PPP6R3: variants seen among roughly 807,000 people sequenced by gnomAD.
PPP6R3 encodes protein phosphatase 6 regulatory subunit 3, also known as serine/threonine-protein phosphatase 6 regulatory subunit 3.
A neutral mutation model predicts 110.7 loss-of-function variants in PPP6R3; 38 were observed. That is an observed-to-expected ratio of 0.34 (90% CI 0.26 to 0.45). PPP6R3 has a LOEUF of 0.45. Ranked by LOEUF, PPP6R3 falls within the 20% of genes least tolerant of loss-of-function variation. PPP6R3 has a pLI of 1.00. For missense variants in PPP6R3, 870 were observed against 1,062.4 expected, an observed-to-expected ratio of 0.82 and a Z score of 2.52; for synonymous variants, 369 against 373.5, an observed-to-expected ratio of 0.99 and a Z score of 0.14.
intron 18 of PPP6R3, among the ~76,000 whole-genome samples, chr11:68,594,266 GA>G (rs1368442078): frequency 2.6e-4 from 7 of 26,514 alleles, no homozygotes; most frequent in Admixed American, 9.1e-4. Context: ...AAAAAAGGGG[GA>G]GAGAGAGAGA....
rs757110315 is a variant in PPP6R3, at chr11:68,569,933, T to C, written c.1278+36T>C. 4 of 1,571,488 alleles carry C rather than the reference T, an allele frequency of 2.5e-6. No individual in the cohort carries two copies. In the African/African-American group the frequency reaches 5.4e-5, roughly 21 times the overall value. ...TTGGTCTCGTTTTTCTCCCACTCTC[T>C]CCTGGTTATAGCAGTTTTCCACTTG... On this transcript the variant is annotated intron_variant, in intron 11 of 23. Transcript: ENST00000393800.
chr11:68,571,801 C>G (rs1040359680), intron 12 of PPP6R3, among the ~76,000 whole-genome samples: 3 of 152,120 alleles, frequency 2.0e-5, no homozygotes, highest in Non-Finnish European at 4.4e-5. Context: ...ATATAATTCT[C>G]ATATGGTAAA....
At chr11:68,561,091 G>A (rs1263062585) in intron 8 of PPP6R3, among the ~76,000 whole-genome samples, 2 of 151,954 alleles carry the variant, frequency 1.3e-5, no homozygotes, top group Non-Finnish European at 2.9e-5. Flanking sequence ...AGTAGAGACG[G>A]GGTTTCACCG....
At chr11:68,604,281 A>G (rs1367139575) in intron 22 of PPP6R3, among the ~76,000 whole-genome samples, 3 of 152,272 alleles carry the variant, frequency 2.0e-5, no homozygotes, top group Admixed American at 6.5e-5. Context: ...CAGTGACACA[A>G]TGTAAACACC....
At chr11:68,582,451 T>TG (rs2099560704) in intron 14 of PPP6R3, among the ~76,000 whole-genome samples, 2 of 152,358 alleles carry the variant, frequency 1.3e-5, no homozygotes, top group Admixed American at 6.5e-5. Context: ...TTGTAAGTTC[T>TG]GGGGGCAGGG....
At chr11:68,523,626 G>T (rs966390502) in intron 2 of PPP6R3, among the ~76,000 whole-genome samples, 1 of 151,626 alleles carries the variant, frequency 6.6e-6, no homozygotes, top group Non-Finnish European at 1.5e-5. Flanking sequence ...CATTGTGATG[G>T]CCTGTGCAGG....
At chr11:68,505,672 T>G (rs1478551274) in intron 1 of PPP6R3, among the ~76,000 whole-genome samples, 1 of 152,154 alleles carries the variant, frequency 6.6e-6, no homozygotes, top group Non-Finnish European at 1.5e-5. Context: ...TAAAATTAAT[T>G]TAAAATTCAG....
intron 1 of PPP6R3, among the ~76,000 whole-genome samples, chr11:68,500,622 T>C (rs951827693): frequency 6.6e-6 from 1 of 152,136 alleles, no homozygotes; most frequent in South Asian, 2.1e-4. Flanking sequence ...GGACTGCAGG[T>C]ACGTGCCACC....
At chr11:68,501,083 T>C (rs2099046452) in intron 1 of PPP6R3, among the ~76,000 whole-genome samples, 2 of 152,222 alleles carry the variant, frequency 1.3e-5, no homozygotes, top group Non-Finnish European at 2.9e-5. Flanking sequence ...AGTTTTTTCA[T>C]GTTTATTGTC....
chr11:68,580,743 A>C (rs1026823976), intron 14 of PPP6R3, among the ~76,000 whole-genome samples: 1 of 120,492 alleles, frequency 8.3e-6, no homozygotes, highest in East Asian at 2.6e-4. Flanking sequence ...ATGGGTAAAT[A>C]ATCTTTTTTT....
chr11:68,551,341 A>G (rs1226943747), intron 6 of PPP6R3, 155 bp downstream of exon 6: 6 of 616,306 alleles, frequency 9.7e-6, no homozygotes, highest in Non-Finnish European at 1.6e-5. Flanking sequence ...TACTTTTCTA[A>G]ACAATATTAC....
chr11:68,595,556 T>C (rs947828628), intron 18 of PPP6R3, among the ~76,000 whole-genome samples: 1 of 152,192 alleles, frequency 6.6e-6, no homozygotes, highest in Non-Finnish European at 1.5e-5. Flanking sequence ...CATCAAAATT[T>C]AAAATTTTCA....
intron 2 of PPP6R3, among the ~76,000 whole-genome samples, chr11:68,521,241 C>G (rs2099162890): frequency 6.6e-6 from 1 of 152,090 alleles, no homozygotes; most frequent in Non-Finnish European, 1.5e-5. Context: ...ATTTTTTTCT[C>G]TTAACTACAT....
At position 68,465,422 on chromosome 11, in the gene PPP6R3, G is replaced by A. The variant is rs536165646; in HGVS notation, c.-158+4595G>A. On this transcript the variant is annotated intron_variant, in intron 1 of 23. Coordinates refer to ENST00000393800, the MANE Select transcript of PPP6R3 (RefSeq NM_001164161.2). ...GTAGAGAGAAGGGTAGATCTTTTTTGCTCATATTAAAATTTAGATTATCTA... is the reference window on the plus strand; with the variant it reads ...GTAGAGAGAAGGGTAGATCTTTTTTACTCATATTAAAATTTAGATTATCTA... Among the ~76,000 whole-genome samples the A allele has an allele frequency of 4.6e-5, 7 of 152,156 alleles. No homozygotes were observed. The South Asian group carries it at 6.2e-4, about 14-fold the overall frequency.
At chr11:68,559,524 A>G (rs1233307007) in intron 8 of PPP6R3, among the ~76,000 whole-genome samples, 1 of 152,166 alleles carries the variant, frequency 6.6e-6, no homozygotes, top group Non-Finnish European at 1.5e-5. Flanking sequence ...GGGTTTCTGG[A>G]TTTACTTTTA....
At chr11:68,489,750 G>A (rs2098972220) in intron 1 of PPP6R3, among the ~76,000 whole-genome samples, 1 of 151,412 alleles carries the variant, frequency 6.6e-6, no homozygotes, top group Non-Finnish European at 1.5e-5. Context: ...ACACTTAATA[G>A]TGTAAAAATA....
intron 1 of PPP6R3, among the ~76,000 whole-genome samples, chr11:68,480,679 G>C (rs1267443893): frequency 6.6e-6 from 1 of 152,120 alleles, no homozygotes; most frequent in African/African-American, 2.4e-5. Flanking sequence ...TGCTATTTTG[G>C]ATTATTCTTT....
At chr11:68,531,892 G>A (rs10896338) in intron 2 of PPP6R3, among the ~76,000 whole-genome samples, 35,032 of 152,110 alleles carry the variant, frequency 0.23, 4,279 homozygotes, top group Middle Eastern at 0.32. Context: ...AAGATTCTTA[G>A]TAGTCCTAGA....
At chr11:68,465,904 C>G (rs2153225155) in intron 1 of PPP6R3, among the ~76,000 whole-genome samples, 2 of 152,306 alleles carry the variant, frequency 1.3e-5, no homozygotes, top group Middle Eastern at 6.8e-3. Context: ...GAAATGATTA[C>G]TTCGACTTGC....
Sources: gnomAD v4.1 joint callset for allele counts (sites outside exome capture counted in the v4.1 genomes callset) on GRCh38, gnomAD v4.1.1 for gene constraint, MANE v1.5 for transcripts, NCBI Gene and HGNC (gene_info 2026-07-23, HGNC 2026-07-21) for gene names.